Variants in GNAO1 observed in about 807,000 individuals in gnomAD.
GNAO1 encodes the protein guanine nucleotide-binding protein G(o) subunit alpha.
For synonymous variants in GNAO1, 164 were observed against 180.7 expected (o/e 0.91, Z 0.74); for missense variants, 166 against 478.7 (o/e 0.35, Z 6.10).
At chr16:56,285,011 C>G (rs2037151536) in intron 3 of GNAO1, among the ~76,000 whole-genome samples, 1 of 152,226 alleles carries the variant, frequency 6.6e-6, no homozygotes, top group South Asian at 2.1e-4. Flanking sequence ...TGCAGAGGCC[C>G]CAGCCAGCAC....
intron 2 of GNAO1, among the ~76,000 whole-genome samples, chr16:56,201,994 A>T (rs2036285743): frequency 2.0e-5 from 3 of 152,182 alleles, no homozygotes; most frequent in Non-Finnish European, 4.4e-5. Context: ...TAACCTTAGT[A>T]GGCTGAGTGA....
intron 3 of GNAO1, among the ~76,000 whole-genome samples, chr16:56,282,180 C>T (rs75812847): frequency 1.2e-3 from 184 of 152,252 alleles, no homozygotes; most frequent in African/African-American, 4.3e-3. Flanking sequence ...ATTCTACCAC[C>T]AGCTATATGG....
At chr16:56,348,047 A>AC in intron 6 of GNAO1, 1 of 980,292 alleles carries the variant, frequency 1.0e-6, no homozygotes, top group South Asian at 4.7e-5. Flanking sequence ...CCACCTCCCA[A>AC]CCCCATCACT....
At chr16:56,294,191 G>A (rs2143566750) in intron 3 of GNAO1, among the ~76,000 whole-genome samples, 1 of 152,246 alleles carries the variant, frequency 6.6e-6, no homozygotes, top group South Asian at 2.1e-4. Flanking sequence ...CACTAACTTA[G>A]CAGGACACTG....
intron 6 of GNAO1, chr16:56,346,371 T>C (rs1272779000): frequency 2.0e-6 from 2 of 985,250 alleles, no homozygotes; most frequent in Non-Finnish European, 2.4e-6. Flanking sequence ...TGAGGGGCCA[T>C]GGTAACCTCT....
chr16:56,266,006 A>G (rs2036949837), intron 2 of GNAO1, among the ~76,000 whole-genome samples: 2 of 151,966 alleles, frequency 1.3e-5, no homozygotes, highest in African/African-American at 4.8e-5. Flanking sequence ...GTTCTTCCTC[A>G]CCAATATGCA....
At chr16:56,208,469 G>T (rs1267977566) in intron 2 of GNAO1, among the ~76,000 whole-genome samples, 1 of 152,104 alleles carries the variant, frequency 6.6e-6, no homozygotes, top group African/African-American at 2.4e-5. Flanking sequence ...GCACGTGTGT[G>T]TGTGTGTATT....
chr16:56,280,852 G>A (rs147117261), intron 3 of GNAO1, among the ~76,000 whole-genome samples: 7 of 152,290 alleles, frequency 4.6e-5, no homozygotes, highest in African/African-American at 1.7e-4. Context: ...GTTTCCAGGT[G>A]GGGGAGGTCC....
At chr16:56,233,947 A>G (rs551040330) in intron 2 of GNAO1, among the ~76,000 whole-genome samples, 7 of 152,314 alleles carry the variant, frequency 4.6e-5, no homozygotes, top group African/African-American at 1.4e-4. Flanking sequence ...TAAACAGCCC[A>G]GATGCTGTGC....
At chr16:56,192,776 A>T in intron 2 of GNAO1, 160 bp downstream of exon 2, 4 of 565,396 alleles carry the variant, frequency 7.1e-6, no homozygotes, top group East Asian at 3.0e-5. Flanking sequence ...CCCCTCCCCC[A>T]CTCCCTACGT....
At chr16:56,219,805 A>G (rs557179051) in intron 2 of GNAO1, among the ~76,000 whole-genome samples, 5 of 152,154 alleles carry the variant, frequency 3.3e-5, no homozygotes, top group Non-Finnish European at 5.9e-5. Flanking sequence ...CCCTTGAGAG[A>G]GAAGCATCTG....
chr16:56,205,513 T>C (rs1358541268), intron 2 of GNAO1, among the ~76,000 whole-genome samples: 1 of 152,194 alleles, frequency 6.6e-6, no homozygotes, highest in Non-Finnish European at 1.5e-5. Context: ...AGAATGGTGA[T>C]GTGTGGAGAG....
chr16:56,279,831 G>C (rs2037098153), intron 3 of GNAO1, among the ~76,000 whole-genome samples: 1 of 152,132 alleles, frequency 6.6e-6, no homozygotes, highest in Admixed American at 6.5e-5. Flanking sequence ...TTTCAAGGGG[G>C]CCTGGCCCAC....
chr16:56,309,713 C>G (rs546900344), intron 3 of GNAO1, among the ~76,000 whole-genome samples: 1 of 152,292 alleles, frequency 6.6e-6, no homozygotes, highest in Admixed American at 6.5e-5. Flanking sequence ...CCAGTCCCAC[C>G]ACCCAGGGGC....
chr16:56,300,519 G>A (rs1455068235), intron 3 of GNAO1: 1 of 152,164 alleles, frequency 6.6e-6, no homozygotes, highest in Non-Finnish European at 1.5e-5. Context: ...CTGAGAAGTT[G>A]GGACTATTTA....
chr16:56,350,906 C>G (rs2037914289), intron 6 of GNAO1, among the ~76,000 whole-genome samples: 1 of 152,152 alleles, frequency 6.6e-6, no homozygotes, highest in Non-Finnish European at 1.5e-5. Context: ...CACACACAGG[C>G]ACACACACAG....
chr16:56,349,475 A>C (rs1305589502), intron 6 of GNAO1, among the ~76,000 whole-genome samples: 1 of 152,220 alleles, frequency 6.6e-6, no homozygotes, highest in Non-Finnish European at 1.5e-5. Flanking sequence ...TGGGCCTCCC[A>C]GAAGCCTCCG....
Position 56,192,268 on chromosome 16 carries a change from C to A in GNAO1, c.33C>A (p.Ala11=), listed in dbSNP as rs1243993397. Residue 11 remains alanine, a synonymous_variant, in exon 1 of 9, where the codon GCC becomes GCA. Transcript: ENST00000262493. ...GTACTCTGAGCGCAGAGGAGAGAGC[C>A]GCCCTCGAGCGGAGCAAGGCGATTG... MGCTLSAEER[A]ALERSKAIEK... is the part of the protein sequence containing the mutation. The A allele has an allele frequency of 1.2e-6, 2 of 1,607,770 alleles. No individual in the cohort carries two copies. Among genetic ancestry groups the A allele is most frequent in the Non-Finnish European group, 1.7e-6 (2 of 1,176,424 alleles).
At chr16:56,338,147 C>T (rs1161274822) in intron 6 of GNAO1, among the ~76,000 whole-genome samples, 1 of 152,126 alleles carries the variant, frequency 6.6e-6, no homozygotes. Flanking sequence ...GGAGGAGGAG[C>T]CGCCGCCCTG....
Sources: gnomAD v4.1 joint callset for allele counts (sites outside exome capture counted in the v4.1 genomes callset) on GRCh38, gnomAD v4.1.1 for gene constraint, MANE v1.5 for transcripts, NCBI Gene and HGNC (gene_info 2026-07-23, HGNC 2026-07-21) for gene names.